Variants in CAND2 observed in about 807,000 individuals in gnomAD.
CAND2 encodes the protein cullin-associated NEDD8-dissociated protein 2.
Under a neutral mutation model 98.9 loss-of-function variants are expected in CAND2, and 62 were observed. The observed-to-expected ratio is 0.63, with a 90% CI of 0.51 to 0.77. The LOEUF is 0.77. Among genes scored for constraint, CAND2 ranks in the 30% least tolerant of loss-of-function variants. The pLI is 0.00. For missense variants in CAND2, 1,501 were observed against 1,655.2 expected (o/e 0.91, Z 1.62); for synonymous variants, 770 against 731.9 (o/e 1.05, Z -0.84).
At chr3:12,800,144 C>G (rs931353742) in intron 1 of CAND2, among the ~76,000 whole-genome samples, 9 of 152,238 alleles carry the variant, frequency 5.9e-5, no homozygotes, top group African/African-American at 1.9e-4. Flanking sequence ...TCCTCCTTCA[C>G]TTTACCTTTG....
chr3:12,823,628 CT>C lies in CAND2; in HGVS notation c.3041-1840del, dbSNP rs373506410. ...CCTGTAGTCCCAGCTACTCAGGAGG[CT>C]TGAGGCAGGAGAATGGCGTGAACCC... On this transcript the variant is annotated intron_variant, in intron 11 of 14. Coordinates refer to ENST00000456430, the MANE Select transcript of CAND2 (RefSeq NM_001162499.2). Among the ~76,000 whole-genome samples the C allele has an allele frequency of 1.2e-3, 190 of 152,216 alleles. 4 individuals carry two copies. The East Asian group carries it at 0.03, about 24-fold the overall frequency.
intron 1 of CAND2, among the ~76,000 whole-genome samples, chr3:12,801,714 T>G (rs2061768256): frequency 6.6e-6 from 1 of 152,228 alleles, no homozygotes; most frequent in Non-Finnish European, 1.5e-5. Context: ...AATATGCCCA[T>G]GCCCATCAGC....
At chr3:12,804,097 C>CCA (rs2061788147) in intron 2 of CAND2, among the ~76,000 whole-genome samples, 1 of 152,040 alleles carries the variant, frequency 6.6e-6, no homozygotes. Context: ...CCACCTCCAG[C>CCA]CAGAGAAAGC....
At chr3:12,824,500 G>C (rs1301342633) in intron 11 of CAND2, among the ~76,000 whole-genome samples, 8 of 152,226 alleles carry the variant, frequency 5.3e-5, no homozygotes, top group Non-Finnish European at 1.0e-4. Flanking sequence ...CACTCCTGTA[G>C]TGACGGCATT....
chr3:12,806,222 C>T (rs1223476589), intron 2 of CAND2, among the ~76,000 whole-genome samples: 5 of 152,134 alleles, frequency 3.3e-5, no homozygotes, highest in African/African-American at 1.2e-4. Flanking sequence ...GTAGGAGGAT[C>T]GCTTGAGCCC....
intron 11 of CAND2, 40 bp from the exon 12 acceptor site, chr3:12,825,430 T>G: frequency 6.5e-7 from 1 of 1,530,594 alleles, no homozygotes; most frequent in Non-Finnish European, 8.8e-7. Context: ...CTTTGTGCTT[T>G]GGCTGTGCAT....
chr3:12,816,851 C>G lies in CAND2; in HGVS notation c.1919C>G (p.Ser640Cys). Residue 640 changes from serine to cysteine, a missense_variant, in exon 10 of 15, where the codon TCC becomes TGC. This residue lies in a region of CAND2 where 1,427 missense variants were observed against 1,545.3 expected (regional missense o/e 0.92). Transcript: ENST00000456430. ...AAGGCGCTTACGCTGGTGGCCGTAT[C>G]CCCACTACAGCTTGACCTACAGCCC... ...AIKALTLVAV[S>C]PLQLDLQPIL... The G allele has an allele frequency of 6.2e-7, 1 of 1,613,852 alleles. No homozygotes were observed.
At chr3:12,820,742 G>T (rs1340728538) in intron 11 of CAND2, among the ~76,000 whole-genome samples, 1 of 152,178 alleles carries the variant, frequency 6.6e-6, no homozygotes, top group Non-Finnish European at 1.5e-5. Context: ...GTTTTTCCTA[G>T]GAAGGCAGAG....
intron 5 of CAND2, among the ~76,000 whole-genome samples, chr3:12,811,697 G>A (rs1485424656): frequency 2.6e-5 from 4 of 151,826 alleles, no homozygotes; most frequent in Non-Finnish European, 4.4e-5. Flanking sequence ...TCAGCCTCCT[G>A]AGTAGCTGGC....
intron 4 of CAND2, among the ~76,000 whole-genome samples, chr3:12,809,211 C>T (rs1473498708): frequency 2.0e-5 from 3 of 151,856 alleles, no homozygotes; most frequent in African/African-American, 2.4e-5. Flanking sequence ...GGGTGCACTC[C>T]GGGAGCCAGC....
At chr3:12,801,034 A>ATTT (rs372893921) in intron 1 of CAND2, among the ~76,000 whole-genome samples, 34 of 100,758 alleles carry the variant, frequency 3.4e-4, no homozygotes, top group African/African-American at 6.2e-4. Context: ...GGAAATCAGT[A>ATTT]TTTTTTTTTT....
chr3:12,805,599 A>T (rs115899637), intron 2 of CAND2, among the ~76,000 whole-genome samples: 2,298 of 152,226 alleles, frequency 0.015, 58 homozygotes, highest in African/African-American at 0.05. Flanking sequence ...GGATTTTCTA[A>T]AGTGAGTGAC....
chr3:12,797,156 T>G (rs2061732054), intron 1 of CAND2, among the ~76,000 whole-genome samples: 4 of 114,110 alleles, frequency 3.5e-5, no homozygotes, highest in South Asian at 3.5e-4. Context: ...CCGCAGCTGA[T>G]GCCCCAGCGC....
chr3:12,819,000 CT>C (rs2061932900), intron 10 of CAND2, among the ~76,000 whole-genome samples: 1 of 152,226 alleles, frequency 6.6e-6, no homozygotes, highest in Admixed American at 6.5e-5. Context: ...TTAGCACCAA[CT>C]GCTGGGAAGC....
chr3:12,819,288 A>C (rs577902752), intron 10 of CAND2, among the ~76,000 whole-genome samples: 2 of 152,334 alleles, frequency 1.3e-5, no homozygotes, highest in East Asian at 3.9e-4. Context: ...TTAGCACCAA[A>C]TGGTAAACTT....
rs772996294 is a variant in CAND2 at position 12,816,932 on chromosome 3, C to CT, written c.2003dup (p.Leu668PhefsTer31). On this transcript the variant is annotated frameshift_variant, in exon 10 of 15. Coordinates refer to ENST00000456430, the MANE Select transcript of CAND2 (RefSeq NM_001162499.2). LOFTEE classifies it high-confidence loss of function. ...TCATTCCTGCGGAAGAACCAGCGGG[C>CT]TTTGCGACTGGCCACACTGGCAGCC... The CT allele has an allele frequency of 1.2e-6, 2 of 1,613,684 alleles. No individual in the cohort carries two copies. The highest frequency in any genetic ancestry group is 1.7e-4 in the Middle Eastern group (1 of 6,060).
intron 4 of CAND2, 168 bp from the exon 5 acceptor site, chr3:12,809,891 A>C: frequency 1.4e-6 from 1 of 740,580 alleles, no homozygotes; most frequent in Non-Finnish European, 2.0e-6. Flanking sequence ...ATGTAACAAA[A>C]GTAATTAAAA....
rs1336945907 is a variant in CAND2, at chr3:12,813,237, G to C, written c.864-9G>C. 2 of 1,612,296 alleles carry C rather than the reference G, an allele frequency of 1.2e-6. No homozygotes were observed. Among genetic ancestry groups the C allele is most frequent in the African/African-American group, 2.7e-5 (2 of 74,874 alleles). Reference sequence around the variant, plus strand: ...GATCCAGCAAAGCATTCCTCATCCTGCCCCACAGGTGCCCCAAGGAAATGG... The same window carrying C: ...GATCCAGCAAAGCATTCCTCATCCTCCCCCACAGGTGCCCCAAGGAAATGG... On this transcript the variant is annotated splice_polypyrimidine_tract_variant and intron_variant, in intron 6 of 14. Coordinates refer to ENST00000456430, the MANE Select transcript of CAND2 (RefSeq NM_001162499.2).
intron 14 of CAND2, 56 bp from the exon 15 acceptor site, chr3:12,833,698 CA>C: frequency 1.5e-6 from 2 of 1,347,286 alleles, no homozygotes; most frequent in Non-Finnish European, 2.1e-6. Flanking sequence ...AGTGAGGAGG[CA>C]GTGGTGTGGG....
Sources: allele counts gnomAD v4.1 joint callset (sites outside exome capture counted in the v4.1 genomes callset), GRCh38; gene constraint gnomAD v4.1.1; regional missense constraint gnomAD v4.1.1; transcripts MANE v1.5; gene names NCBI Gene and HGNC (gene_info 2026-07-23, HGNC 2026-07-21).